Variants in SENP5 observed in about 807,000 individuals in gnomAD.
SENP5 encodes the protein SUMO specific peptidase 5.
A neutral mutation model predicts 74.2 loss-of-function variants in SENP5; 21 were observed. The ratio of observed to expected loss-of-function variants is 0.28; its 90% CI spans 0.20 to 0.41. The LOEUF (loss-of-function observed/expected upper bound fraction) is 0.41. Ranked by LOEUF, SENP5 falls within the 10% of genes least tolerant of loss-of-function variation. SENP5 has a pLI of 1.00. For synonymous variants in SENP5, 311 were observed against 312.7 expected (o/e 0.99, Z 0.06); for missense variants, 717 against 889.1 (o/e 0.81, Z 2.46).
intron 2 of SENP5, among the ~76,000 whole-genome samples, chr3:196,891,307 ACT>A (rs1387350442): frequency 1.5e-5 from 2 of 134,094 alleles, no homozygotes; most frequent in Non-Finnish European, 3.3e-5. Flanking sequence ...ATGAGAGGTG[ACT>A]GTTAATGGGT....
At chr3:196,880,933 G>A (rs947128192) in intron 1 of SENP5, among the ~76,000 whole-genome samples, 2 of 149,646 alleles carry the variant, frequency 1.3e-5, no homozygotes, top group African/African-American at 2.5e-5. Context: ...GAGCCACCGC[G>A]CCTGGCCCTT....
chr3:196,917,994 T>C (rs1456288972), intron 6 of SENP5, among the ~76,000 whole-genome samples: 1 of 152,110 alleles, frequency 6.6e-6, no homozygotes, highest in Non-Finnish European at 1.5e-5. Flanking sequence ...TACAATTTTT[T>C]AAGCGATAAT....
chr3:196,932,658 CAT>C lies in SENP5; in HGVS notation c.*1737_*1738del, dbSNP rs1716077000. 2 of 149,092 alleles carry C rather than the reference CAT, an allele frequency of 1.3e-5. No homozygotes were observed. Among genetic ancestry groups the C allele is most frequent in the Non-Finnish European group, 1.5e-5 (1 of 67,518 alleles). 9.2% of individuals were successfully genotyped at this position (149,092 alleles called of 1,614,324 possible). ...TGACAGTTTAGGGTAAGGAAGATCT[CAT>C]AATGAGTTTTTCAAACATAATTATG... On this transcript the variant is annotated 3_prime_UTR_variant, in exon 10 of 10. Transcript: ENST00000323460.
Position 196,931,093 on chromosome 3 carries a change from T to C in SENP5, c.*170T>C. 1.7e-6 allele frequency: 1 copy of C among 588,586 alleles called. No homozygotes were observed. The highest frequency in any genetic ancestry group is 2.8e-5 in the East Asian group (1 of 35,136). The allele number at this position is 588,586 out of a possible 1,614,324, so 36.5% of individuals were successfully genotyped here. A position where few individuals can be genotyped will look rare whatever the true frequency, so the allele number is the denominator to read the frequency against. On this transcript the variant is annotated 3_prime_UTR_variant, in exon 10 of 10. Coordinates refer to ENST00000323460, the MANE Select transcript of SENP5 (RefSeq NM_152699.5). ...CTTATTCATTTCTCCAGCTACCATGTACTATTGTTTAATGTTCAGTTTGGT... is the reference window on the plus strand; with the variant it reads ...CTTATTCATTTCTCCAGCTACCATGCACTATTGTTTAATGTTCAGTTTGGT...
rs776577490 is a variant in SENP5 at position 196,885,907 on chromosome 3, G to A, written c.726G>A (p.Arg242=). The A allele has an allele frequency of 6.2e-7, 1 of 1,613,850 alleles. No homozygotes were observed. The highest frequency in any genetic ancestry group is 2.2e-5 in the East Asian group (1 of 44,892). Residue 242 remains arginine, a synonymous_variant, in exon 2 of 10, where the codon CGG becomes CGA. Coordinates refer to ENST00000323460, the MANE Select transcript of SENP5 (RefSeq NM_152699.5). The part of the protein sequence containing the change: ...MYEKLSMIRF[R]YRILRSQHFR... Reference sequence around the variant, plus strand: ...AGAAATTATCCATGATTAGATTTCGGTACAGGATTCTCAGATCCCAGCACT... The same window carrying A: ...AGAAATTATCCATGATTAGATTTCGATACAGGATTCTCAGATCCCAGCACT...
At chr3:196,928,677 CAA>C (rs1715908261) in intron 8 of SENP5, among the ~76,000 whole-genome samples, 1 of 152,056 alleles carries the variant, frequency 6.6e-6, no homozygotes, top group African/African-American at 2.4e-5. Flanking sequence ...AACCCAAACC[CAA>C]AGAGACAAGA....
chr3:196,877,415 C>T (rs144610505), intron 1 of SENP5, among the ~76,000 whole-genome samples: 2 of 152,282 alleles, frequency 1.3e-5, no homozygotes, highest in African/African-American at 2.4e-5. Flanking sequence ...GAACTCCTGA[C>T]CTCAGGTGAT....
At chr3:196,874,569 T>G (rs762340380) in intron 1 of SENP5, among the ~76,000 whole-genome samples, 4 of 152,118 alleles carry the variant, frequency 2.6e-5, no homozygotes, top group Non-Finnish European at 5.9e-5. Flanking sequence ...TTCACTTTCC[T>G]TTGCTTAGTC....
intron 8 of SENP5, 38 bp downstream of exon 8, chr3:196,927,917 G>C: frequency 7.5e-7 from 1 of 1,341,442 alleles, no homozygotes; most frequent in Non-Finnish European, 1.1e-6. Context: ...GGCATGTCCA[G>C]GGGATGGAAT....
chr3:196,899,877 G>T (rs1441300839), intron 3 of SENP5, 47 bp from the exon 4 acceptor site: 3 of 1,601,080 alleles, frequency 1.9e-6, no homozygotes, highest in Admixed American at 3.4e-5. Flanking sequence ...AAATTGAGAA[G>T]TACTCATGTT....
chr3:196,879,905 TC>T (rs1290034353), intron 1 of SENP5, among the ~76,000 whole-genome samples: 1 of 152,182 alleles, frequency 6.6e-6, no homozygotes, highest in Admixed American at 6.6e-5. Flanking sequence ...TTACAGTTTT[TC>T]TATATGCTTC....
intron 1 of SENP5, among the ~76,000 whole-genome samples, chr3:196,879,165 G>C (rs1265537190): frequency 6.6e-6 from 1 of 152,188 alleles, no homozygotes; most frequent in Admixed American, 6.5e-5. Flanking sequence ...ATACCAACCT[G>C]AATGTATTAC....
Position 196,933,010 on chromosome 3 carries a change from TGGG to T in SENP5, c.*2088_*2090del. The T allele has an allele frequency of 7.5e-6, 1 of 132,626 alleles. No individual in the cohort carries two copies. Among genetic ancestry groups the T allele is most frequent in the African/African-American group, 2.9e-5 (1 of 34,584 alleles). The allele number at this position is 132,626 out of a possible 1,614,324, so 8.2% of individuals were successfully genotyped here. A position where few individuals can be genotyped will look rare whatever the true frequency, so the allele number is the denominator to read the frequency against. ...TGTGGCTTAGACTAAATGTTGAGTTTGGGTTTTTTGTTTTTTTTTTTTTTTGAG... is the reference window on the plus strand; with the variant it reads ...TGTGGCTTAGACTAAATGTTGAGTTTTTTTTTGTTTTTTTTTTTTTTTGAG... On this transcript the variant is annotated 3_prime_UTR_variant, in exon 10 of 10. Coordinates refer to ENST00000323460, the MANE Select transcript of SENP5 (RefSeq NM_152699.5).
intron 6 of SENP5, among the ~76,000 whole-genome samples, chr3:196,912,246 A>G (rs549498459): frequency 3.9e-5 from 6 of 152,362 alleles, no homozygotes; most frequent in Non-Finnish European, 5.9e-5. Context: ...GCAGCCATTT[A>G]AAGAATGAGA....
At position 196,934,110 on chromosome 3, in the gene SENP5, C is replaced by A. The variant is rs1168453014; in HGVS notation, c.*3187C>A. ...GTTACGTTCTCTCAAGAATCCTAAT[C>A]AACTTTCAGTTAGCCTCTTAAGAAA... On this transcript the variant is annotated 3_prime_UTR_variant, in exon 10 of 10. Transcript: ENST00000323460. The A allele has an allele frequency of 1.3e-5, 2 of 152,178 alleles. No individual in the cohort carries two copies. The highest frequency in any genetic ancestry group is 4.8e-5 in the African/African-American group (2 of 41,424). 9.4% of individuals were successfully genotyped at this position (152,178 alleles called of 1,614,324 possible).
chr3:196,907,227 A>G (rs1190493333), intron 6 of SENP5, among the ~76,000 whole-genome samples: 2 of 152,134 alleles, frequency 1.3e-5, no homozygotes, highest in African/African-American at 4.8e-5. Context: ...TAATCCCAGC[A>G]CTTTGAGGGG....
intron 6 of SENP5, among the ~76,000 whole-genome samples, chr3:196,907,094 T>C (rs1714930833): frequency 6.6e-6 from 1 of 152,086 alleles, no homozygotes; most frequent in Non-Finnish European, 1.5e-5. Context: ...ATTAGAAAAA[T>C]GTAGGACAAC....
intron 1 of SENP5, among the ~76,000 whole-genome samples, chr3:196,870,067 C>T (rs1030864349): frequency 6.6e-6 from 1 of 152,126 alleles, no homozygotes; most frequent in African/African-American, 2.4e-5. Context: ...CTGTGCTTCT[C>T]TAGTTGCCAA....
At chr3:196,894,852 GT>G in intron 2 of SENP5, among the ~76,000 whole-genome samples, 2 of 152,214 alleles carry the variant, frequency 1.3e-5, no homozygotes, top group South Asian at 4.1e-4. Flanking sequence ...AAAAAGTATG[GT>G]TTTTACTTGT....
Sources: allele counts gnomAD v4.1 joint callset (sites outside exome capture counted in the v4.1 genomes callset), GRCh38; gene constraint gnomAD v4.1.1; transcripts MANE v1.5; gene names NCBI Gene and HGNC (gene_info 2026-07-23, HGNC 2026-07-21).